The following ACLY variants were observed in gnomAD, a reference collection of about 807,000 sequenced individuals.
The protein encoded by ACLY is ATP-citrate synthase.
A neutral mutation model predicts 133.0 loss-of-function variants in ACLY; 41 were observed. The ratio of observed to expected loss-of-function variants is 0.31; its 90% CI spans 0.24 to 0.40. The LOEUF (loss-of-function observed/expected upper bound fraction) is 0.40. Among genes scored for constraint, ACLY ranks in the 10% least tolerant of loss-of-function variants. The pLI is 1.00. For missense variants in ACLY, 1,046 were observed against 1,453.8 expected, an observed-to-expected ratio of 0.72 and a Z score of 4.56; for synonymous variants, 495 against 549.3, an observed-to-expected ratio of 0.90 and a Z score of 1.38.
rs782141417 is a variant in ACLY, at chr17:41,904,786, C to T, written c.1008G>A (p.Lys336=). ...CGATGCTGCCTCCAATGATGAGGAT[C>T]TTGCCTGGATTTGGAGTAAGAGAGA... is the stretch of plus-strand genomic sequence containing the variant. The part of the protein sequence containing the change: ...LMTREKHPDG[K]ILIIGGSIAN... Residue 336 remains lysine (K), a synonymous_variant, in exon 10 of 29, where the codon AAG becomes AAA. Transcript: ENST00000352035. 6.2e-7 allele frequency: 1 copy of T among 1,613,950 alleles called. No homozygotes were observed. The highest frequency in any genetic ancestry group is 2.2e-5 in the East Asian group (1 of 44,886).
At chr17:41,907,406 C>T (rs1555632860) in intron 7 of ACLY, 36 bp downstream of exon 7, 1 of 1,593,632 alleles carries the variant, frequency 6.3e-7, no homozygotes, top group Non-Finnish European at 8.6e-7. Flanking sequence ...CACCGCCCTC[C>T]CCCCAGTCCC....
chr17:41,907,131 G>C (rs1175534958), intron 7 of ACLY, among the ~76,000 whole-genome samples: 1 of 152,128 alleles, frequency 6.6e-6, no homozygotes, highest in Non-Finnish European at 1.5e-5. Context: ...TTCTCAGTGA[G>C]ACGCGGAGAG....
chr17:41,871,664 CTT>C (rs1486434881), intron 25 of ACLY, 23 bp downstream of exon 25: 4 of 1,613,508 alleles, frequency 2.5e-6, no homozygotes, highest in Non-Finnish European at 3.4e-6. Context: ...CTCCATCCCA[CTT>C]TTTTAGGAGA....
chr17:41,904,651 A>T, intron 10 of ACLY, 78 bp downstream of exon 10: 1 of 1,426,332 alleles, frequency 7.0e-7, no homozygotes, highest in African/African-American at 1.4e-5. Context: ...CTCTGGCTCA[A>T]ACTCTGCTTT....
intron 20 of ACLY, 113 bp downstream of exon 20, chr17:41,883,009 A>C (rs1597987716): frequency 1.2e-6 from 1 of 860,210 alleles, no homozygotes; most frequent in East Asian, 2.7e-5. Context: ...CAAGTAACAA[A>C]CGTTTCTTGA....
At chr17:41,879,926 C>T (rs543810431) in intron 20 of ACLY, among the ~76,000 whole-genome samples, 2 of 151,986 alleles carry the variant, frequency 1.3e-5, no homozygotes, top group African/African-American at 4.8e-5. Flanking sequence ...GACAGGGTTT[C>T]GCCATGTGGT....
At chr17:41,910,356 G>A (rs1228177605) in intron 3 of ACLY, 72 bp from the exon 4 acceptor site, 3 of 1,378,942 alleles carry the variant, frequency 2.2e-6, no homozygotes, top group African/African-American at 2.8e-5. Flanking sequence ...AGGAGGGACT[G>A]CACAGGGGTG....
At chr17:41,913,973 T>G in intron 1 of ACLY, 77 bp from the exon 2 acceptor site, 1 of 1,392,416 alleles carries the variant, frequency 7.2e-7, no homozygotes, top group South Asian at 1.3e-5. Flanking sequence ...GCAGACCCAC[T>G]CCCAGTTGCC....
At chr17:41,909,727 G>A (rs782651754) in intron 4 of ACLY, 27 bp from the exon 5 acceptor site, 1 of 1,606,970 alleles carries the variant, frequency 6.2e-7, no homozygotes, top group South Asian at 1.1e-5. Flanking sequence ...CAGGACAGTG[G>A]GATTGGGGTT....
At chr17:41,898,832 G>A (rs1555630973) in intron 11 of ACLY, 47 bp from the exon 12 acceptor site, 2 of 1,580,994 alleles carry the variant, frequency 1.3e-6, no homozygotes, top group East Asian at 2.3e-5. Flanking sequence ...CTGCAGATAA[G>A]GGCCCAAGTC....
At position 41,912,503 on chromosome 17, in the gene ACLY, C is replaced by T; in HGVS notation, c.199G>A (p.Gly67Arg). 1.2e-6 allele frequency: 2 copies of T among 1,614,196 alleles called. No homozygotes were observed. The highest frequency in any genetic ancestry group is 1.7e-6 in the Non-Finnish European group (2 of 1,180,016). The change falls in exon 3 of 29, where the codon GGA (glycine) becomes AGA (arginine). Residue 67 changes from glycine (G) to arginine (R), a missense_variant. Around this residue, in one of 4 missense-constraint regions of ACLY, gnomAD observed 227 missense variants for 245.6 expected, o/e 0.92. Transcript: ENST00000352035. ...TTGACCCCAACGAGACCAAGTTTTC[C>T]ACGACGTTTGATCAGCTGGTCTGGC... ...VKPDQLIKRR[G>R]KLGLVGVNLT... is the part of the protein sequence containing the mutation.
chr17:41,888,115 G>A (rs941213590), intron 16 of ACLY, among the ~76,000 whole-genome samples: 1 of 151,930 alleles, frequency 6.6e-6, no homozygotes, highest in Non-Finnish European at 1.5e-5. Flanking sequence ...GTGACAGAGC[G>A]AGACTCCATC....
Position 41,889,524 on chromosome 17 carries a change from CAAAAAAAAAAAAAAAA to C in ACLY, c.1771-1837_1771-1822del, listed in dbSNP as rs533387140. On this transcript the variant is annotated intron_variant, in intron 16 of 28. Coordinates refer to ENST00000352035, the MANE Select transcript of ACLY (RefSeq NM_001096.3). ...GGTGATGGAGAAAGGCTCCATTTCA[CAAAAAAAAAAAAAAAA>C]AAAAAAAAAAAAAAAAGAAGTAGCT... Among the ~76,000 whole-genome samples, 15 of 31,602 alleles carry C rather than the reference CAAAAAAAAAAAAAAAA, an allele frequency of 4.7e-4. No homozygotes were observed. In the East Asian group the frequency reaches 1.0e-2, roughly 21 times the overall value. 20.7% of individuals were successfully genotyped at this position (31,602 alleles called of 152,430 possible).
intron 1 of ACLY, among the ~76,000 whole-genome samples, chr17:41,916,118 A>G (rs2050045107): frequency 6.6e-6 from 1 of 152,182 alleles, no homozygotes; most frequent in Admixed American, 6.5e-5. Context: ...CCATCTCCAT[A>G]GGGTCTTTGG....
chr17:41,926,708 T>G (rs2050247502), intron 1 of ACLY, among the ~76,000 whole-genome samples: 1 of 152,066 alleles, frequency 6.6e-6, no homozygotes. Context: ...AGGCTGATCT[T>G]GAACTCCTGA....
intron 1 of ACLY, among the ~76,000 whole-genome samples, chr17:41,930,101 G>A (rs367988366): frequency 6.6e-6 from 1 of 152,202 alleles, no homozygotes; most frequent in African/African-American, 2.4e-5. Flanking sequence ...ACTAGTAGCT[G>A]CTCAAATAAC....
At chr17:41,902,221 TTC>T (rs2144358841) in intron 10 of ACLY, among the ~76,000 whole-genome samples, 1 of 152,324 alleles carries the variant, frequency 6.6e-6, no homozygotes, top group South Asian at 2.1e-4. Flanking sequence ...GCGGGAATAG[TTC>T]TTTCTTTTGA....
chr17:41,890,384 GA>G (rs781914466), intron 16 of ACLY, among the ~76,000 whole-genome samples: 703 of 132,310 alleles, frequency 5.3e-3, no homozygotes, highest in African/African-American at 8.9e-3. Flanking sequence ...CTGACCGATT[GA>G]AAAAAAAAAA....
intron 23 of ACLY, 76 bp from the exon 24 acceptor site, chr17:41,872,258 G>A: frequency 1.4e-6 from 2 of 1,449,678 alleles, no homozygotes; most frequent in African/African-American, 1.4e-5. Context: ...CCCTAAACAA[G>A]TCATTCAAAT....
Sources: allele counts gnomAD v4.1 joint callset (sites outside exome capture counted in the v4.1 genomes callset), GRCh38; gene constraint gnomAD v4.1.1; regional missense constraint gnomAD v4.1.1; transcripts MANE v1.5; gene names NCBI Gene and HGNC (gene_info 2026-07-23, HGNC 2026-07-21).